The following KIAA1958 variants were observed in gnomAD, a reference collection of about 807,000 sequenced individuals.
KIAA1958 encodes the protein uncharacterized protein KIAA1958.
Under a neutral mutation model 47.2 loss-of-function variants are expected in KIAA1958, and 14 were observed. The observed-to-expected ratio is 0.30, with a 90% CI of 0.20 to 0.46. KIAA1958 has a LOEUF of 0.46. Ranked by LOEUF, KIAA1958 falls within the 20% of genes least tolerant of loss-of-function variation. The pLI is 1.00. For missense variants in KIAA1958, 803 were observed against 909.2 expected, an observed-to-expected ratio of 0.88 and a Z score of 1.50; for synonymous variants, 354 against 353.3, an observed-to-expected ratio of 1.00 and a Z score of -0.02.
chr9:112,645,135 CAAAA>C (rs11327633), intron 2 of KIAA1958, among the ~76,000 whole-genome samples: 1 of 136,380 alleles, frequency 7.3e-6, no homozygotes. Context: ...AACTTTGTCT[CAAAA>C]AAAAAAAAAA....
rs1278201044 is a variant in KIAA1958 at position 112,668,000 on chromosome 9, A to C, written c.*7931A>C. ...CGAAGTCCTCATATGAATAGGCTAA[A>C]TTAATACAATAAGGTGTAATAAATG... is the stretch of plus-strand genomic sequence containing the variant. On this transcript the variant is annotated 3_prime_UTR_variant, in exon 4 of 4. Coordinates refer to ENST00000337530, the MANE Select transcript of KIAA1958 (RefSeq NM_133465.4). The C allele has an allele frequency of 2.2e-5, 2 of 90,576 alleles. No individual in the cohort carries two copies. Among genetic ancestry groups the C allele is most frequent in the Non-Finnish European group, 4.2e-5 (2 of 47,180 alleles). The allele number at this position is 90,576 out of a possible 1,614,324, so 5.6% of individuals were successfully genotyped here. A position where few individuals can be genotyped will look rare whatever the true frequency, so the allele number is the denominator to read the frequency against.
chr9:112,494,947 T>C (rs1324067414), intron 1 of KIAA1958, among the ~76,000 whole-genome samples: 2 of 152,166 alleles, frequency 1.3e-5, no homozygotes, highest in African/African-American at 4.8e-5. Context: ...TTCTATCATT[T>C]AAAAATTTTT....
intron 1 of KIAA1958, among the ~76,000 whole-genome samples, chr9:112,546,556 T>G (rs1192663708): frequency 6.6e-6 from 1 of 152,108 alleles, no homozygotes; most frequent in Non-Finnish European, 1.5e-5. Flanking sequence ...AAACTTGCTT[T>G]CACTTTACTC....
intron 1 of KIAA1958, among the ~76,000 whole-genome samples, chr9:112,527,242 G>A (rs570832230): frequency 6.6e-6 from 1 of 152,290 alleles, no homozygotes; most frequent in East Asian, 1.9e-4. Flanking sequence ...TACACAGAAA[G>A]GATACTGTAG....
intron 2 of KIAA1958, among the ~76,000 whole-genome samples, chr9:112,606,273 G>T (rs568380686): frequency 1.3e-5 from 2 of 152,066 alleles, no homozygotes; most frequent in Non-Finnish European, 2.9e-5. Context: ...TGTTGATTAG[G>T]CTTTTGGGTA....
At chr9:112,587,148 A>G (rs1361396318) in intron 2 of KIAA1958, among the ~76,000 whole-genome samples, 1 of 152,064 alleles carries the variant, frequency 6.6e-6, no homozygotes, top group Non-Finnish European at 1.5e-5. Flanking sequence ...AAGTATTTTT[A>G]TTTTATTAAT....
chr9:112,549,622 G>C (rs973419369), intron 1 of KIAA1958, among the ~76,000 whole-genome samples: 2 of 152,180 alleles, frequency 1.3e-5, no homozygotes, highest in South Asian at 4.1e-4. Context: ...TAATACTCTG[G>C]TAGGGGTAGA....
chr9:112,628,814 A>G (rs1444619953), intron 2 of KIAA1958, among the ~76,000 whole-genome samples: 1 of 152,248 alleles, frequency 6.6e-6, no homozygotes, highest in Middle Eastern at 3.4e-3. Flanking sequence ...AGAGTTTCCA[A>G]TTTCTCCCAC....
intron 1 of KIAA1958, among the ~76,000 whole-genome samples, chr9:112,562,779 CCTT>C (rs1246626293): frequency 1.3e-5 from 2 of 151,142 alleles, no homozygotes; most frequent in Admixed American, 1.3e-4. Flanking sequence ...TATGTCTTTT[CCTT>C]CTTTTTTGTT....
At chr9:112,645,067 G>A (rs576978907) in intron 2 of KIAA1958, among the ~76,000 whole-genome samples, 12 of 151,932 alleles carry the variant, frequency 7.9e-5, no homozygotes, top group South Asian at 6.2e-4. Flanking sequence ...CCCAGGAGGC[G>A]GAGGTTGCAG....
At chr9:112,531,414 A>G (rs1834750335) in intron 1 of KIAA1958, among the ~76,000 whole-genome samples, 1 of 152,184 alleles carries the variant, frequency 6.6e-6, no homozygotes. Context: ...AATAAATAAA[A>G]GGAAACCAAC....
chr9:112,530,077 T>G (rs1254200229), intron 1 of KIAA1958, among the ~76,000 whole-genome samples: 1 of 152,178 alleles, frequency 6.6e-6, no homozygotes, highest in African/African-American at 2.4e-5. Context: ...TCTCCTGACC[T>G]CGTGATCCAC....
chr9:112,552,040 TG>T, intron 1 of KIAA1958, among the ~76,000 whole-genome samples: 1 of 152,174 alleles, frequency 6.6e-6, no homozygotes, highest in East Asian at 1.9e-4. Context: ...AGATACTAGG[TG>T]GGTAGTTTGA....
chr9:112,551,337 C>G (rs2132838491), intron 1 of KIAA1958, among the ~76,000 whole-genome samples: 1 of 152,270 alleles, frequency 6.6e-6, no homozygotes, highest in Non-Finnish European at 1.5e-5. Context: ...TAGGCTGCCC[C>G]AGGCACCTCA....
intron 2 of KIAA1958, among the ~76,000 whole-genome samples, chr9:112,600,994 A>C (rs1020137706): frequency 6.6e-6 from 1 of 152,220 alleles, no homozygotes; most frequent in Non-Finnish European, 1.5e-5. Flanking sequence ...CAGATTTCAC[A>C]TAGCTCATTA....
chr9:112,558,150 G>T (rs1282842366), intron 1 of KIAA1958, among the ~76,000 whole-genome samples: 2 of 151,986 alleles, frequency 1.3e-5, no homozygotes, highest in African/African-American at 4.8e-5. Context: ...GCTTGAACCC[G>T]GGAGGCGGAA....
chr9:112,556,624 T>C (rs1835247090), intron 1 of KIAA1958, among the ~76,000 whole-genome samples: 1 of 152,194 alleles, frequency 6.6e-6, no homozygotes, highest in Non-Finnish European at 1.5e-5. Context: ...CGTGAGCCAC[T>C]GAGTCCAGCC....
intron 2 of KIAA1958, among the ~76,000 whole-genome samples, chr9:112,627,932 G>C (rs1243383440): frequency 1.3e-5 from 2 of 152,076 alleles, no homozygotes; most frequent in Admixed American, 6.5e-5. Context: ...TTTGGTACCT[G>C]GTGTTTCCAT....
intron 1 of KIAA1958, among the ~76,000 whole-genome samples, chr9:112,512,966 T>C (rs1231201845): frequency 6.6e-6 from 1 of 151,730 alleles, no homozygotes; most frequent in East Asian, 1.9e-4. Context: ...GCCTCCTGAG[T>C]AGCTGGGATT....
Sources: gnomAD v4.1 joint callset for allele counts (sites outside exome capture counted in the v4.1 genomes callset) on GRCh38, gnomAD v4.1.1 for gene constraint, MANE v1.5 for transcripts, NCBI Gene and HGNC (gene_info 2026-07-23, HGNC 2026-07-21) for gene names.